Variants in HPCAL1 observed in about 807,000 individuals in gnomAD.
The protein encoded by HPCAL1 is hippocalcin like 1.
HPCAL1 carries 8 observed loss-of-function variants against 17.1 expected under a neutral mutation model. That is an observed-to-expected ratio of 0.47 (90% CI 0.27 to 0.84). HPCAL1 has a LOEUF of 0.84. Ranked by LOEUF, HPCAL1 falls within the 40% of genes least tolerant of loss-of-function variation. The pLI, the probability that HPCAL1 is intolerant of heterozygous loss-of-function variation, is 0.13. For missense variants in HPCAL1, 165 were observed against 271.1 expected (o/e 0.61, Z 2.75); for synonymous variants, 112 against 111.4 (o/e 1.01, Z -0.03).
chr2:10,303,495 G>A (rs919698907), intron 1 of HPCAL1, among the ~76,000 whole-genome samples: 8 of 152,166 alleles, frequency 5.3e-5, no homozygotes, highest in African/African-American at 1.9e-4. Flanking sequence ...TGTCGTGTGT[G>A]AGCAGCTGTG....
At chr2:10,380,823 C>A (rs1057028894) in intron 1 of HPCAL1, among the ~76,000 whole-genome samples, 1 of 152,230 alleles carries the variant, frequency 6.6e-6, no homozygotes, top group Non-Finnish European at 1.5e-5. Context: ...CGCAAAATCT[C>A]CTGGGCACTT....
At chr2:10,320,012 G>C (rs1187289983) in intron 1 of HPCAL1, among the ~76,000 whole-genome samples, 2 of 151,984 alleles carry the variant, frequency 1.3e-5, no homozygotes, top group African/African-American at 4.8e-5. Context: ...CTGCCTGCCT[G>C]GGAGGCCCTC....
intron 1 of HPCAL1, among the ~76,000 whole-genome samples, chr2:10,350,954 C>T (rs1486178750): frequency 6.6e-6 from 1 of 152,156 alleles, no homozygotes; most frequent in African/African-American, 2.4e-5. Context: ...AGGTGGAACC[C>T]TCATACGCTG....
rs150454007 is a variant in HPCAL1 at position 10,344,895 on chromosome 2, G to A, written c.-111+41718G>A. On this transcript the variant is annotated intron_variant, in intron 1 of 4. Transcript: ENST00000307845. This position sits in a 1 kb window ranked among gnomAD's most constrained non-coding sequence, Gnocchi z 4.9. ...TCTTTCTGCCTCTCTCTATGTGTCC[G>A]TTTCTCTTTCTCTCTGTGTGTCTCT... Among the ~76,000 whole-genome samples the A allele has an allele frequency of 3.8e-4, 56 of 145,736 alleles. No individual in the cohort carries two copies. The highest frequency in any genetic ancestry group is 1.3e-3 in the African/African-American group (52 of 39,432).
At chr2:10,389,461 G>A (rs1336330371) in intron 1 of HPCAL1, among the ~76,000 whole-genome samples, 1 of 152,210 alleles carries the variant, frequency 6.6e-6, no homozygotes, top group African/African-American at 2.4e-5. Flanking sequence ...CCCAGTTTGG[G>A]GGCTCACCTG....
In HPCAL1 at chr2:10,426,981, C is replaced by T; in HGVS notation, c.*160C>T. 1.6e-6 allele frequency: 1 copy of T among 635,066 alleles called. No individual in the cohort carries two copies. 39.3% of individuals were successfully genotyped at this position (635,066 alleles called of 1,614,324 possible). ...AGCCCGGTGGCTGCGCCTCCCTCCT[C>T]CACCTGACCAACGCGACATTCCTCC... is the stretch of plus-strand genomic sequence containing the variant. On this transcript the variant is annotated 3_prime_UTR_variant, in exon 5 of 5. Transcript: ENST00000307845.
chr2:10,394,793 C>A lies in HPCAL1; in HGVS notation c.-110-2042C>A, dbSNP rs1390024608. 1.3e-5 allele frequency among the ~76,000 whole-genome samples: 2 copies of A among 151,926 alleles called. No homozygotes were observed. Among genetic ancestry groups the A allele is most frequent in the African/African-American group, 2.4e-5 (1 of 41,358 alleles). ...GTTGGGAAGACCTAAAAAATAAAAT[C>A]TTTTATTTTATTTTATTTTTTTGAG... On this transcript the variant is annotated intron_variant, in intron 1 of 4. Transcript: ENST00000307845. This position sits in a 1 kb window ranked among gnomAD's most constrained non-coding sequence, Gnocchi z 5.0.
rs917388995 is a variant in HPCAL1 at position 10,304,646 on chromosome 2, T to C, written c.-111+1469T>C. ...CCGCAGTGAACGAGCACCCAGCTCT[T>C]ACCACGACTCACTCTCTGGAGAGTT... On this transcript the variant is annotated intron_variant, in intron 1 of 4. Transcript: ENST00000307845. This position sits in a 1 kb window ranked among gnomAD's most constrained non-coding sequence, Gnocchi z 4.1. Among the ~76,000 whole-genome samples the C allele has an allele frequency of 6.6e-6, 1 of 152,252 alleles. No individual in the cohort carries two copies. Among genetic ancestry groups the C allele is most frequent in the Non-Finnish European group, 1.5e-5 (1 of 68,048 alleles).
Position 10,304,018 on chromosome 2 carries a change from T to TTA in HPCAL1, c.-111+842_-111+843dup, listed in dbSNP as rs1381105924. ...TTTCCCCTTTATCGTGGGTGGGGCCTTACATTTTCCCCGGGCGTGTTTTGT... is the reference window on the plus strand; with the variant it reads ...TTTCCCCTTTATCGTGGGTGGGGCCTTATACATTTTCCCCGGGCGTGTTTTGT... On this transcript the variant is annotated intron_variant, in intron 1 of 4. Coordinates refer to ENST00000307845, the MANE Select transcript of HPCAL1 (RefSeq NM_002149.4). The surrounding 1 kb of genome is among the most constrained non-coding windows in gnomAD (Gnocchi z 4.1). 1.3e-5 allele frequency: 2 copies of TTA among 152,284 alleles called. No homozygotes were observed. Among genetic ancestry groups the TTA allele is most frequent in the Non-Finnish European group, 2.9e-5 (2 of 68,076 alleles). The allele number at this position is 152,284 out of a possible 1,614,324, so 9.4% of individuals were successfully genotyped here.
chr2:10,414,057 G>A (rs534189628), intron 2 of HPCAL1, among the ~76,000 whole-genome samples: 1 of 152,388 alleles, frequency 6.6e-6, no homozygotes, highest in East Asian at 1.9e-4. Context: ...TCCAAGCCCT[G>A]GCTTTGCCTC....
chr2:10,391,175 A>G (rs1225297000), intron 1 of HPCAL1, among the ~76,000 whole-genome samples: 1 of 152,160 alleles, frequency 6.6e-6, no homozygotes, highest in African/African-American at 2.4e-5. Flanking sequence ...AGGCAGTTTT[A>G]TAGCTCAGCT....
intron 1 of HPCAL1, among the ~76,000 whole-genome samples, chr2:10,366,534 C>T (rs972450036): frequency 2.6e-5 from 4 of 152,192 alleles, no homozygotes; most frequent in African/African-American, 9.7e-5. Context: ...CCACGCCTGG[C>T]CCCTTAATTT....
At chr2:10,353,047 G>A (rs953250417) in intron 1 of HPCAL1, among the ~76,000 whole-genome samples, 2 of 152,186 alleles carry the variant, frequency 1.3e-5, no homozygotes, top group Non-Finnish European at 2.9e-5. Flanking sequence ...ACCAGGTTAG[G>A]GTAAGGGAAG....
intron 1 of HPCAL1, among the ~76,000 whole-genome samples, chr2:10,371,679 C>T (rs1240519694): frequency 6.6e-6 from 1 of 152,216 alleles, no homozygotes; most frequent in African/African-American, 2.4e-5. Context: ...CCTCCTCCCT[C>T]TAAGATTCCC....
intron 1 of HPCAL1, among the ~76,000 whole-genome samples, chr2:10,383,011 ACTC>A (rs1199202630): frequency 2.6e-5 from 4 of 151,586 alleles, no homozygotes; most frequent in Admixed American, 6.6e-5. Flanking sequence ...AGCACCTTTG[ACTC>A]CTCCTCTGGG....
rs760528791 is a variant in HPCAL1, at chr2:10,367,290, G to A, written c.-110-29545G>A. On this transcript the variant is annotated intron_variant, in intron 1 of 4. Transcript: ENST00000307845. The surrounding 1 kb of genome is among the most constrained non-coding windows in gnomAD (Gnocchi z 4.4). Reference sequence around the variant, plus strand: ...TTTAAGGGGGGATTTTGTTGCTGTCGTTGTTGTTGTTGTTTTGAGACAGAG... The same window carrying A: ...TTTAAGGGGGGATTTTGTTGCTGTCATTGTTGTTGTTGTTTTGAGACAGAG... Among the ~76,000 whole-genome samples the A allele has an allele frequency of 2.2e-4, 34 of 151,652 alleles. No individual in the cohort carries two copies. The highest frequency in any genetic ancestry group is 3.1e-4 in the Non-Finnish European group (21 of 67,986).
Position 10,342,575 on chromosome 2 carries a change from C to T in HPCAL1, c.-111+39398C>T, listed in dbSNP as rs1201345533. 6.6e-6 allele frequency among the ~76,000 whole-genome samples: 1 copy of T among 152,178 alleles called. No individual in the cohort carries two copies. The highest frequency in any genetic ancestry group is 1.5e-5 in the Non-Finnish European group (1 of 68,040). On this transcript the variant is annotated intron_variant, in intron 1 of 4. Coordinates refer to ENST00000307845, the MANE Select transcript of HPCAL1 (RefSeq NM_002149.4). The surrounding 1 kb of genome is among the most constrained non-coding windows in gnomAD (Gnocchi z 4.1). ...ACTTTGCAGGATGCCAGACTTTTGG[C>T]AGGGGAGGAAATTGAGGTGAAAGCA...
chr2:10,322,113 C>G (rs537754064), intron 1 of HPCAL1, among the ~76,000 whole-genome samples: 2 of 152,174 alleles, frequency 1.3e-5, no homozygotes, highest in Non-Finnish European at 2.9e-5. Context: ...GCCTGCAACT[C>G]TATGGATTAC....
chr2:10,400,938 A>G (rs1395430029), intron 2 of HPCAL1, among the ~76,000 whole-genome samples: 1 of 152,224 alleles, frequency 6.6e-6, no homozygotes, highest in Non-Finnish European at 1.5e-5. Context: ...CATCTGCTCC[A>G]TGTCGGGCTC....
Sources: gnomAD v4.1 joint callset for allele counts (sites outside exome capture counted in the v4.1 genomes callset) on GRCh38, gnomAD v4.1.1 for gene constraint, Gnocchi (gnomAD v3.1) non-coding constraint, MANE v1.5 for transcripts, NCBI Gene and HGNC (gene_info 2026-07-23, HGNC 2026-07-21) for gene names.